PPP1R9A: variants seen among roughly 807,000 people sequenced by gnomAD.
PPP1R9A encodes the protein neurabin-1.
Under a neutral mutation model 141.9 loss-of-function variants are expected in PPP1R9A, and 59 were observed. The ratio of observed to expected loss-of-function variants is 0.42; its 90% confidence interval spans 0.34 to 0.52. The LOEUF (loss-of-function observed/expected upper bound fraction) is 0.52. Ranked by LOEUF, PPP1R9A falls within the 20% of genes least tolerant of loss-of-function variation. The pLI, the probability that PPP1R9A is intolerant of heterozygous loss-of-function variation, is 0.10. For synonymous variants in PPP1R9A, 500 were observed against 569.7 expected (o/e 0.88, Z 1.74); for missense variants, 1,444 against 1,611.9 (o/e 0.90, Z 1.78).
intron 17 of PPP1R9A, among the ~76,000 whole-genome samples, chr7:95,285,805 T>C (rs977467563): frequency 2.0e-5 from 3 of 152,232 alleles, no homozygotes; most frequent in African/African-American, 7.2e-5. Flanking sequence ...ACCTTTCTAA[T>C]ATGAATTGCC....
intron 18 of PPP1R9A, among the ~76,000 whole-genome samples, chr7:95,287,298 T>C (rs1585649748): frequency 6.6e-6 from 1 of 152,220 alleles, no homozygotes; most frequent in East Asian, 1.9e-4. Flanking sequence ...TTGTCATATC[T>C]TAGTTTAAAA....
chr7:95,119,485 C>T (rs775300956), intron 3 of PPP1R9A, among the ~76,000 whole-genome samples: 6 of 152,104 alleles, frequency 3.9e-5, no homozygotes, highest in Admixed American at 2.6e-4. Context: ...GACAGGGTCT[C>T]GCAGTGTTGC....
chr7:95,217,330 G>C (rs1022334963), intron 7 of PPP1R9A, among the ~76,000 whole-genome samples: 4 of 152,168 alleles, frequency 2.6e-5, no homozygotes, highest in Non-Finnish European at 4.4e-5. Context: ...ACTTGATCAT[G>C]GTGGATAAGC....
At chr7:95,078,372 G>C (rs563403653) in intron 2 of PPP1R9A, among the ~76,000 whole-genome samples, 2,006 of 151,260 alleles carry the variant, frequency 0.013, 47 homozygotes, top group African/African-American at 0.047. Flanking sequence ...TCTTAATCCA[G>C]TCTATCATTG....
intron 3 of PPP1R9A, among the ~76,000 whole-genome samples, chr7:95,115,076 C>T (rs1821243054): frequency 6.6e-6 from 1 of 151,954 alleles, no homozygotes; most frequent in Non-Finnish European, 1.5e-5. Context: ...TATGTAAAAA[C>T]ACTATTAATA....
At chr7:95,100,849 T>G (rs1818675936) in intron 2 of PPP1R9A, among the ~76,000 whole-genome samples, 1 of 135,432 alleles carries the variant, frequency 7.4e-6, no homozygotes, top group African/African-American at 2.8e-5. Flanking sequence ...GTCTGATTTT[T>G]TTTTTTTTTT....
At chr7:95,116,434 A>T (rs887627771) in intron 3 of PPP1R9A, among the ~76,000 whole-genome samples, 2 of 152,158 alleles carry the variant, frequency 1.3e-5, no homozygotes, top group African/African-American at 4.8e-5. Context: ...TTTCTATGTA[A>T]TCACATTAAG....
At chr7:95,167,285 C>T (rs1247764325) in intron 5 of PPP1R9A, among the ~76,000 whole-genome samples, 7 of 152,098 alleles carry the variant, frequency 4.6e-5, no homozygotes, top group Non-Finnish European at 7.4e-5. Context: ...AAAGACCTGT[C>T]CCCATAATTC....
intron 2 of PPP1R9A, among the ~76,000 whole-genome samples, chr7:94,994,121 A>G (rs1563093717): frequency 6.6e-6 from 1 of 150,708 alleles, no homozygotes; most frequent in East Asian, 1.9e-4. Flanking sequence ...AAAACTGTGT[A>G]TTTTTTTTTT....
chr7:95,247,050 CT>C (rs1798217408), intron 8 of PPP1R9A, among the ~76,000 whole-genome samples: 2 of 152,148 alleles, frequency 1.3e-5, no homozygotes, highest in Non-Finnish European at 2.9e-5. Flanking sequence ...ATAGCGCCAC[CT>C]TTCTTGCAGA....
At chr7:95,197,536 CTT>C (rs1007766804) in intron 5 of PPP1R9A, among the ~76,000 whole-genome samples, 32 of 152,244 alleles carry the variant, frequency 2.1e-4, no homozygotes, top group African/African-American at 7.7e-4. Context: ...TTCACTACCT[CTT>C]GTTATTACAG....
Position 95,274,117 on chromosome 7 carries a change from A to G in PPP1R9A, c.3245A>G (p.Lys1082Arg). ...APLRRNSSKG[K>R]KWKEKEKEAS... Reference sequence around the variant, plus strand: ...TTGCGAAGGAATTCCAGCAAGGGAAAGAAGTGGAAAGAAAAAGAAAAAGAA... The same window carrying G: ...TTGCGAAGGAATTCCAGCAAGGGAAGGAAGTGGAAAGAAAAAGAAAAAGAA... The change falls in exon 16 of 20, where the codon AAG (lysine) becomes AGG (arginine). Residue 1082 changes from lysine to arginine, a missense_variant. Around this residue, in one of 5 missense-constraint regions of PPP1R9A, gnomAD observed 459 missense variants for 513.8 expected, o/e 0.89. Coordinates refer to ENST00000433360, the MANE Select transcript of PPP1R9A (RefSeq NM_001166160.2). The G allele has an allele frequency of 6.3e-7, 1 of 1,584,222 alleles. No individual in the cohort carries two copies. The highest frequency in any genetic ancestry group is 1.3e-5 in the African/African-American group (1 of 74,752).
intron 2 of PPP1R9A, among the ~76,000 whole-genome samples, chr7:94,943,021 A>G (rs1035737353): frequency 6.6e-6 from 1 of 152,038 alleles, no homozygotes; most frequent in African/African-American, 2.4e-5. Flanking sequence ...GAGCTAAAAG[A>G]TGGTCTGGAA....
At chr7:94,974,910 T>C (rs1799260833) in intron 2 of PPP1R9A, among the ~76,000 whole-genome samples, 1 of 152,152 alleles carries the variant, frequency 6.6e-6, no homozygotes, top group Admixed American at 6.5e-5. Context: ...AGGAAATTGA[T>C]TGTAGTTTTA....
rs1806498901 is a variant in PPP1R9A at position 95,292,446 on chromosome 7, A to G, written c.*2143A>G. 6.6e-6 allele frequency: 1 copy of G among 152,610 alleles called. No homozygotes were observed. Among genetic ancestry groups the G allele is most frequent in the South Asian group, 2.1e-4 (1 of 4,838 alleles). The allele number at this position is 152,610 out of a possible 1,614,324, so 9.5% of individuals were successfully genotyped here. ...TAGAAATAGAAGGATGATTATCTTAAGTTATGTTTACACTTTGGTAATATT... is the reference window on the plus strand; with the variant it reads ...TAGAAATAGAAGGATGATTATCTTAGGTTATGTTTACACTTTGGTAATATT... On this transcript the variant is annotated 3_prime_UTR_variant, in exon 20 of 20. Coordinates refer to ENST00000433360, the MANE Select transcript of PPP1R9A (RefSeq NM_001166160.2).
chr7:94,970,822 A>G (rs1392516452), intron 2 of PPP1R9A, among the ~76,000 whole-genome samples: 1 of 152,026 alleles, frequency 6.6e-6, no homozygotes, highest in Non-Finnish European at 1.5e-5. Flanking sequence ...TATTCTGTAT[A>G]TAAAGAACTG....
intron 12 of PPP1R9A, among the ~76,000 whole-genome samples, chr7:95,254,815 T>A (rs1264839498): frequency 6.6e-6 from 1 of 152,164 alleles, no homozygotes; most frequent in East Asian, 1.9e-4. Flanking sequence ...TTATAAATTT[T>A]TGAGGAGTAA....
chr7:95,141,350 A>G (rs1826646762), intron 4 of PPP1R9A, among the ~76,000 whole-genome samples: 1 of 152,186 alleles, frequency 6.6e-6, no homozygotes, highest in Admixed American at 6.5e-5. Flanking sequence ...CTTTATTGAT[A>G]TGTAATTCAC....
intron 2 of PPP1R9A, among the ~76,000 whole-genome samples, chr7:95,026,751 G>T (rs1449406332): frequency 6.6e-6 from 1 of 152,134 alleles, no homozygotes; most frequent in Non-Finnish European, 1.5e-5. Flanking sequence ...TCTGACTGGG[G>T]TTGCTGCCTT....
Sources: allele counts gnomAD v4.1 joint callset (sites outside exome capture counted in the v4.1 genomes callset), GRCh38; gene constraint gnomAD v4.1.1; regional missense constraint gnomAD v4.1.1; transcripts MANE v1.5; gene names NCBI Gene and HGNC (gene_info 2026-07-23, HGNC 2026-07-21).